BICRAL: variants seen among roughly 807,000 people sequenced by gnomAD.
The protein encoded by BICRAL is BRD4-interacting chromatin-remodeling complex-associated protein-like.
BICRAL carries 8 observed loss-of-function variants against 91.8 expected under a neutral mutation model. The ratio of observed to expected loss-of-function variants is 0.09; its 90% CI spans 0.05 to 0.16. The LOEUF (loss-of-function observed/expected upper bound fraction) is 0.16. Ranked by LOEUF, BICRAL falls within the 10% of genes least tolerant of loss-of-function variation. The pLI is 1.00. For synonymous variants in BICRAL, 445 were observed against 491.1 expected (o/e 0.91, Z 1.24); for missense variants, 1,038 against 1,310.9 (o/e 0.79, Z 3.21).
chr6:42,783,084 G>A (rs897779461), intron 1 of BICRAL, among the ~76,000 whole-genome samples: 2 of 151,658 alleles, frequency 1.3e-5, no homozygotes, highest in African/African-American at 4.8e-5. Context: ...AGGAGAGCAG[G>A]TCCGGGGTGC....
At chr6:42,778,109 G>T (rs1762829269), upstream of BICRAL, among the ~76,000 whole-genome samples, 1 of 152,158 alleles carries the variant, frequency 6.6e-6, no homozygotes, top group East Asian at 1.9e-4. Flanking sequence ...TGTACCTGGA[G>T]AATCTGAAAT....
chr6:42,803,539 A>G (rs1362306221), intron 1 of BICRAL, among the ~76,000 whole-genome samples: 1 of 152,174 alleles, frequency 6.6e-6, no homozygotes, highest in Non-Finnish European at 1.5e-5. Context: ...TAAATTAGTA[A>G]CTGACATTAA....
At chr6:42,783,598 A>T (rs1763006002) in intron 1 of BICRAL, among the ~76,000 whole-genome samples, 1 of 152,154 alleles carries the variant, frequency 6.6e-6, no homozygotes, top group South Asian at 2.1e-4. Context: ...GGGAGCCGAG[A>T]GCAGGGTGCT....
At position 42,799,007 on chromosome 6, in the gene BICRAL, C is replaced by G. The variant is rs556865016; in HGVS notation, c.-101-11299C>G. Among the ~76,000 whole-genome samples, 36 of 152,118 alleles carry G rather than the reference C, an allele frequency of 2.4e-4. No homozygotes were observed. In the South Asian group the frequency reaches 6.8e-3, roughly 29 times the overall value. On this transcript the variant is annotated intron_variant, in intron 1 of 12. Transcript: ENST00000314073. ...ATTTTCAATCTGTGGTCATTTAAAT[C>G]TGGGGGTGCAGAACCCATGAATATG...
chr6:42,814,499 G>GTGTGTATA (rs374054837), intron 2 of BICRAL, among the ~76,000 whole-genome samples: 5 of 61,268 alleles, frequency 8.2e-5, no homozygotes, highest in African/African-American at 4.0e-4. Flanking sequence ...GTGTGTGTGT[G>GTGTGTATA]TATATATATA....
intron 1 of BICRAL, among the ~76,000 whole-genome samples, chr6:42,766,731 C>T (rs530566665): frequency 5.4e-4 from 82 of 151,902 alleles, no homozygotes; most frequent in Middle Eastern, 3.4e-3. Context: ...CCGAGCTACT[C>T]GGGAGTCTGA....
Position 42,829,506 on chromosome 6 carries a change from G to A in BICRAL, c.1173G>A (p.Met391Ile), listed in dbSNP as rs1342411831. 1 of 1,614,084 alleles carries A rather than the reference G, an allele frequency of 6.2e-7. No individual in the cohort carries two copies. ...GCAGTATTGTTATTCATTCCCCCATGGGCCAACCTCACGCACCCCAAAGTC... is the reference window on the plus strand; with the variant it reads ...GCAGTATTGTTATTCATTCCCCCATAGGCCAACCTCACGCACCCCAAAGTC... ...TGGSIVIHSP[M>I]GQPHAPQSQF... The change falls in exon 6 of 13, where the codon ATG becomes ATA. Residue 391 changes from methionine (M) to isoleucine (I), a missense_variant. Met to Ile is a conservative substitution (Grantham distance 10). Around this residue, in one of 5 missense-constraint regions of BICRAL, gnomAD observed 532 missense variants for 724.9 expected, o/e 0.73. Coordinates refer to ENST00000314073, the MANE Select transcript of BICRAL (RefSeq NM_001393499.1).
chr6:42,829,063 C>G lies in BICRAL; in HGVS notation c.730C>G (p.Gln244Glu). ...AATCATATTAAAGGGCAGCGGGCAG[C>G]AAGCCCCATCAAATGTGAGTGGAGG... is the stretch of plus-strand genomic sequence containing the variant. ...SQIILKGSGQQAPSNVSGGLL... is the reference protein window; with the variant it reads ...SQIILKGSGQEAPSNVSGGLL... The change falls in exon 6 of 13, where the codon CAA becomes GAA. Residue 244 changes from glutamine (Q) to glutamate (E), a missense_variant. Gln to Glu is a conservative substitution (Grantham distance 29). This residue lies in a region of BICRAL where 532 missense variants were observed against 724.9 expected (regional missense o/e 0.73). Coordinates refer to ENST00000314073, the MANE Select transcript of BICRAL (RefSeq NM_001393499.1). 6.2e-7 allele frequency: 1 copy of G among 1,613,978 alleles called. No individual in the cohort carries two copies. The highest frequency in any genetic ancestry group is 8.5e-7 in the Non-Finnish European group (1 of 1,179,862).
At chr6:42,844,266 C>T (rs1764910685) in intron 6 of BICRAL, among the ~76,000 whole-genome samples, 1 of 149,144 alleles carries the variant, frequency 6.7e-6, no homozygotes. Context: ...AATCCCAGCA[C>T]TGGGAGGCCG....
intron 5 of BICRAL, among the ~76,000 whole-genome samples, chr6:42,828,076 A>G (rs963910024): frequency 2.6e-5 from 4 of 152,178 alleles, no homozygotes; most frequent in Non-Finnish European, 4.4e-5. Flanking sequence ...AGCAGTTTAG[A>G]GAGTTATGCC....
rs534813593 is a variant in BICRAL at position 42,782,887 on chromosome 6, T to C, written c.-102+786T>C. ...TTTTCCAATCTCCTCCCCTCTGTTTTCCCCCCCTCGTTTCTTTTCTCTCTC... is the reference window on the plus strand; with the variant it reads ...TTTTCCAATCTCCTCCCCTCTGTTTCCCCCCCCTCGTTTCTTTTCTCTCTC... On this transcript the variant is annotated intron_variant, in intron 1 of 12. Transcript: ENST00000314073. 3.6e-4 allele frequency among the ~76,000 whole-genome samples: 53 copies of C among 148,038 alleles called. No homozygotes were observed. In the East Asian group the frequency reaches 4.5e-3, roughly 13 times the overall value.
At chr6:42,822,594 G>A (rs1764172118) in intron 3 of BICRAL, among the ~76,000 whole-genome samples, 1 of 149,356 alleles carries the variant, frequency 6.7e-6, no homozygotes, top group Admixed American at 6.7e-5. Context: ...CCAGGAGGCA[G>A]AAGTGAATAA....
intron 1 of BICRAL, among the ~76,000 whole-genome samples, chr6:42,804,464 T>A (rs1316393516): frequency 6.6e-6 from 1 of 152,330 alleles, no homozygotes; most frequent in Non-Finnish European, 1.5e-5. Context: ...AAGTGAATAA[T>A]GAATTTTGCT....
chr6:42,857,192 A>G lies in BICRAL; in HGVS notation c.2210A>G (p.His737Arg). Residue 737 changes from histidine to arginine, a missense_variant, in exon 10 of 13, where the codon CAC becomes CGC. Coordinates refer to ENST00000314073, the MANE Select transcript of BICRAL (RefSeq NM_001393499.1). ...GCGGTACAGAGACTGCTCTCCTACC[A>G]CGTGTGCCAGGGCTCCATGCCCACT... is the stretch of plus-strand genomic sequence containing the variant. ...SDAVQRLLSY[H>R]VCQGSMPTEE... 6.2e-7 allele frequency: 1 copy of G among 1,613,786 alleles called. No homozygotes were observed. The highest frequency in any genetic ancestry group is 8.5e-7 in the Non-Finnish European group (1 of 1,179,798).
At chr6:42,854,579 G>T (rs923068493) in intron 8 of BICRAL, among the ~76,000 whole-genome samples, 1 of 152,132 alleles carries the variant, frequency 6.6e-6, no homozygotes, top group Admixed American at 6.6e-5. Flanking sequence ...CTGCAGTGGT[G>T]TGATCACAGC....
rs113362170 is a variant in BICRAL, at chr6:42,855,546, C to CATGATG, written c.2047-288_2047-283dup. ...GACAGAGCACGACCCTGTCAAAAAACATGATGATGATGATGATGATGATGA... is the reference window on the plus strand; with the variant it reads ...GACAGAGCACGACCCTGTCAAAAAACATGATGATGATGATGATGATGATGATGATGA... On this transcript the variant is annotated intron_variant, in intron 8 of 12. Coordinates refer to ENST00000314073, the MANE Select transcript of BICRAL (RefSeq NM_001393499.1). Among the ~76,000 whole-genome samples the CATGATG allele has an allele frequency of 4.3e-3, 653 of 150,732 alleles. 4 individuals carry two copies. The highest frequency in any genetic ancestry group is 0.015 in the African/African-American group (610 of 40,764).
At chr6:42,772,245 G>A (rs1762749362) in intron 1 of BICRAL, among the ~76,000 whole-genome samples, 1 of 151,892 alleles carries the variant, frequency 6.6e-6, no homozygotes, top group African/African-American at 2.4e-5. Context: ...AAAAACCTTT[G>A]TTTCAATTAT....
At chr6:42,816,155 C>T (rs905066128) in intron 2 of BICRAL, among the ~76,000 whole-genome samples, 2 of 150,380 alleles carry the variant, frequency 1.3e-5, no homozygotes, top group African/African-American at 2.5e-5. Context: ...TGCAGCAGTT[C>T]GAGACCAGCA....
Position 42,864,941 on chromosome 6 carries a change from T to C in BICRAL, c.2735T>C (p.Val912Ala), listed in dbSNP as rs750586650. ...CTGAAATTTGACAAAGTGGGCTTAG[T>C]GCAGTACCAGAGCACGTCTGAAGAG... ...RALKFDKVGL[V>A]QYQSTSEEKA... is the part of the protein sequence containing the mutation. The change falls in exon 13 of 13, where the codon GTG becomes GCG. Residue 912 changes from valine to alanine, a missense_variant. Coordinates refer to ENST00000314073, the MANE Select transcript of BICRAL (RefSeq NM_001393499.1). 5 of 1,614,118 alleles carry C rather than the reference T, an allele frequency of 3.1e-6. No homozygotes were observed. Among genetic ancestry groups the C allele is most frequent in the Non-Finnish European group, 4.2e-6 (5 of 1,180,018 alleles).
Sources: allele counts gnomAD v4.1 joint callset (sites outside exome capture counted in the v4.1 genomes callset), GRCh38; gene constraint gnomAD v4.1.1; regional missense constraint gnomAD v4.1.1; transcripts MANE v1.5; gene names NCBI Gene and HGNC (gene_info 2026-07-23, HGNC 2026-07-21).